Variants in FNBP1L observed in about 807,000 individuals in gnomAD.
The protein encoded by FNBP1L is formin-binding protein 1-like.
Under a neutral mutation model 91.2 loss-of-function variants are expected in FNBP1L, and 36 were observed. The observed-to-expected ratio is 0.39, with a 90% CI of 0.30 to 0.52. The LOEUF (loss-of-function observed/expected upper bound fraction) is 0.52. Ranked by LOEUF, FNBP1L falls within the 20% of genes least tolerant of loss-of-function variation. The probability of loss-of-function intolerance (pLI) is 0.66; values close to 1 mark genes in which losing one functional copy is unlikely to be tolerated. For synonymous variants in FNBP1L, 242 were observed against 237.0 expected (o/e 1.02, Z -0.19); for missense variants, 571 against 732.1 (o/e 0.78, Z 2.54).
At chr1:93,462,503 T>C (rs1325883983) in intron 1 of FNBP1L, among the ~76,000 whole-genome samples, 5 of 152,182 alleles carry the variant, frequency 3.3e-5, no homozygotes, top group Admixed American at 3.3e-4. Flanking sequence ...CCCCTTTTTT[T>C]GTTCCATATT....
intron 16 of FNBP1L, 81 bp from the exon 17 acceptor site, chr1:93,552,328 G>A: frequency 6.5e-7 from 1 of 1,527,030 alleles, no homozygotes; most frequent in South Asian, 1.3e-5. Flanking sequence ...ATTTGGGACA[G>A]GCACTTTAAA....
intron 1 of FNBP1L, among the ~76,000 whole-genome samples, chr1:93,464,769 C>G (rs1416129658): frequency 1.3e-5 from 2 of 152,122 alleles, no homozygotes; most frequent in Admixed American, 6.6e-5. Context: ...TGCTGTCATT[C>G]AAGATGTGAG....
chr1:93,460,081 A>G (rs1668812663), intron 1 of FNBP1L, among the ~76,000 whole-genome samples: 2 of 151,992 alleles, frequency 1.3e-5, no homozygotes, highest in Admixed American at 6.6e-5. Context: ...TTTGAGCATC[A>G]TGTTGGCACT....
chr1:93,473,944 G>C (rs543858634), intron 1 of FNBP1L, among the ~76,000 whole-genome samples: 2 of 152,224 alleles, frequency 1.3e-5, no homozygotes, highest in East Asian at 1.9e-4. Flanking sequence ...GGGGAATATA[G>C]GAAATTTACA....
chr1:93,509,679 C>T (rs1279133074), intron 2 of FNBP1L, among the ~76,000 whole-genome samples: 2 of 152,242 alleles, frequency 1.3e-5, no homozygotes, highest in Non-Finnish European at 2.9e-5. Flanking sequence ...CAGGTGATTT[C>T]TGCATTTCCA....
intron 1 of FNBP1L, among the ~76,000 whole-genome samples, chr1:93,452,108 A>G (rs186732686): frequency 6.6e-6 from 1 of 152,366 alleles, no homozygotes; most frequent in Non-Finnish European, 1.5e-5. Flanking sequence ...AACACTTTAT[A>G]TAGCACTTAA....
intron 1 of FNBP1L, among the ~76,000 whole-genome samples, chr1:93,490,540 A>G (rs1386625759): frequency 6.6e-6 from 1 of 152,214 alleles, no homozygotes; most frequent in Non-Finnish European, 1.5e-5. Flanking sequence ...GTGTTGGAAA[A>G]GGAAGTGAGA....
chr1:93,522,472 T>C (rs936571528), intron 3 of FNBP1L, among the ~76,000 whole-genome samples: 12 of 152,116 alleles, frequency 7.9e-5, no homozygotes, highest in Non-Finnish European at 1.8e-4. Context: ...TTTACTCTTA[T>C]AGATAGTAAA....
intron 2 of FNBP1L, among the ~76,000 whole-genome samples, chr1:93,518,579 G>A (rs1334746670): frequency 6.6e-6 from 1 of 152,164 alleles, no homozygotes; most frequent in Admixed American, 6.5e-5. Context: ...TGCCACTAAT[G>A]TAAGAAAAGA....
At position 93,456,854 on chromosome 1, in the gene FNBP1L, A is replaced by G. The variant is rs61780646; in HGVS notation, c.24+8549A>G. Among the ~76,000 whole-genome samples, 679 of 152,200 alleles carry G rather than the reference A, an allele frequency of 4.5e-3. 3 individuals are homozygous for G. Among genetic ancestry groups the G allele is most frequent in the Non-Finnish European group, 6.7e-3 (454 of 68,004 alleles). ...GCCACTGAATCCCTCTATTGATTCAACAAATTTGAGTGCTTAATATATGCC... is the reference window on the plus strand; with the variant it reads ...GCCACTGAATCCCTCTATTGATTCAGCAAATTTGAGTGCTTAATATATGCC... On this transcript the variant is annotated intron_variant, in intron 1 of 16. Coordinates refer to ENST00000271234, the MANE Select transcript of FNBP1L (RefSeq NM_001164473.3).
intron 1 of FNBP1L, among the ~76,000 whole-genome samples, chr1:93,496,505 A>G (rs1013904875): frequency 1.3e-5 from 2 of 152,078 alleles, no homozygotes; most frequent in Non-Finnish European, 2.9e-5. Context: ...GGCTCAAACA[A>G]TTCTTCCACT....
chr1:93,474,070 C>T (rs1235002210), intron 1 of FNBP1L, among the ~76,000 whole-genome samples: 3 of 152,114 alleles, frequency 2.0e-5, no homozygotes, highest in Non-Finnish European at 2.9e-5. Context: ...CATCGTGAAA[C>T]GCCATCTCTA....
chr1:93,481,385 A>G (rs530486454), intron 1 of FNBP1L, among the ~76,000 whole-genome samples: 184 of 152,352 alleles, frequency 1.2e-3, no homozygotes, highest in African/African-American at 4.1e-3. Context: ...CTACTAAATG[A>G]AGAGTTGTAA....
intron 1 of FNBP1L, among the ~76,000 whole-genome samples, chr1:93,479,107 A>T (rs1669600099): frequency 6.6e-6 from 1 of 152,248 alleles, no homozygotes; most frequent in South Asian, 2.1e-4. Context: ...TAGAAAGAGT[A>T]CAAAGAGAGG....
At chr1:93,473,337 AT>A (rs1669370819) in intron 1 of FNBP1L, among the ~76,000 whole-genome samples, 1 of 151,984 alleles carries the variant, frequency 6.6e-6, no homozygotes, top group African/African-American at 2.4e-5. Flanking sequence ...ATGTTCTTTT[AT>A]TTTTTATTTT....
chr1:93,481,243 CT>C (rs1176092124), intron 1 of FNBP1L, among the ~76,000 whole-genome samples: 1 of 151,886 alleles, frequency 6.6e-6, no homozygotes, highest in Non-Finnish European at 1.5e-5. Context: ...ATGTGTGCTC[CT>C]TTTTTTTCCC....
chr1:93,528,447 T>TA (rs1671561216), intron 5 of FNBP1L, among the ~76,000 whole-genome samples: 1 of 152,200 alleles, frequency 6.6e-6, no homozygotes, highest in African/African-American at 2.4e-5. Context: ...ATTTCCAACT[T>TA]AGAGTTCTAT....
chr1:93,471,686 C>G (rs566827421), intron 1 of FNBP1L, among the ~76,000 whole-genome samples: 1 of 152,158 alleles, frequency 6.6e-6, no homozygotes, highest in Admixed American at 6.5e-5. Flanking sequence ...GAGTGAGACC[C>G]TGCCTCAAAA....
intron 1 of FNBP1L, among the ~76,000 whole-genome samples, chr1:93,460,776 G>A (rs1368878328): frequency 6.6e-6 from 1 of 152,208 alleles, no homozygotes; most frequent in Admixed American, 6.5e-5. Flanking sequence ...GAGGCTGGGT[G>A]TGGGGAGAAG....
Sources: gnomAD v4.1 joint callset for allele counts (sites outside exome capture counted in the v4.1 genomes callset) on GRCh38, gnomAD v4.1.1 for gene constraint, MANE v1.5 for transcripts, NCBI Gene and HGNC (gene_info 2026-07-23, HGNC 2026-07-21) for gene names.